Variants in HSDL2 observed in about 807,000 individuals in gnomAD.
The protein encoded by HSDL2 is hydroxysteroid dehydrogenase like 2.
HSDL2 carries 27 observed loss-of-function variants against 46.3 expected under a neutral mutation model. The ratio of observed to expected loss-of-function variants is 0.58; its 90% confidence interval spans 0.43 to 0.80. The LOEUF is 0.80. Among genes scored for constraint, HSDL2 ranks in the 30% least tolerant of loss-of-function variants. The pLI is 0.00. For missense variants in HSDL2, 451 were observed against 502.7 expected, an observed-to-expected ratio of 0.90 and a Z score of 0.98; for synonymous variants, 153 against 163.6, an observed-to-expected ratio of 0.94 and a Z score of 0.50.
intron 8 of HSDL2, among the ~76,000 whole-genome samples, chr9:112,451,496 T>A (rs902267607): frequency 2.6e-5 from 4 of 152,354 alleles, no homozygotes; most frequent in Admixed American, 1.3e-4. Context: ...ATATTCAGCC[T>A]TATATTGTTT....
intron 9 of HSDL2, among the ~76,000 whole-genome samples, chr9:112,458,359 T>C (rs1833097197): frequency 6.6e-6 from 1 of 151,396 alleles, no homozygotes; most frequent in Non-Finnish European, 1.5e-5. Flanking sequence ...AGTTTTGCTC[T>C]TGTTGCCCCA....
At chr9:112,467,568 C>T (rs925530811) in intron 10 of HSDL2, among the ~76,000 whole-genome samples, 3 of 152,174 alleles carry the variant, frequency 2.0e-5, no homozygotes, top group African/African-American at 7.2e-5. Context: ...GGGCACTAAT[C>T]CCATCATTCC....
chr9:112,430,144 G>A (rs538352614), intron 6 of HSDL2, among the ~76,000 whole-genome samples: 20 of 151,700 alleles, frequency 1.3e-4, no homozygotes, highest in South Asian at 2.1e-4. Flanking sequence ...AGTCCTAACC[G>A]TCAGACCACC....
intron 6 of HSDL2, among the ~76,000 whole-genome samples, chr9:112,435,464 A>G (rs1832505106): frequency 6.6e-6 from 1 of 152,090 alleles, no homozygotes; most frequent in South Asian, 2.1e-4. Flanking sequence ...AAGGTTAACC[A>G]TTTAGTTGCA....
chr9:112,385,509 T>TTG (rs397948047), intron 1 of HSDL2, among the ~76,000 whole-genome samples: 4 of 138,326 alleles, frequency 2.9e-5, no homozygotes. Flanking sequence ...TTTTTTTTTT[T>TTG]GACAGAATCT....
intron 1 of HSDL2, among the ~76,000 whole-genome samples, chr9:112,399,743 GA>G (rs1205800667): frequency 5.3e-5 from 8 of 152,186 alleles, no homozygotes; most frequent in African/African-American, 1.7e-4. Flanking sequence ...TCTGCAAGAA[GA>G]AAAATATGGC....
At chr9:112,389,785 C>T (rs577366729) in intron 1 of HSDL2, among the ~76,000 whole-genome samples, 13 of 152,268 alleles carry the variant, frequency 8.5e-5, no homozygotes, top group African/African-American at 3.1e-4. Flanking sequence ...TATATGTGGG[C>T]CGGGCGTGGT....
chr9:112,388,248 G>A (rs909081811), intron 1 of HSDL2, among the ~76,000 whole-genome samples: 1 of 151,728 alleles, frequency 6.6e-6, no homozygotes, highest in Non-Finnish European at 1.5e-5. Context: ...AGATCACGAG[G>A]TCAGGAGTTC....
intron 4 of HSDL2, among the ~76,000 whole-genome samples, chr9:112,415,047 C>T (rs1372533523): frequency 6.6e-6 from 1 of 151,768 alleles, no homozygotes; most frequent in Non-Finnish European, 1.5e-5. Flanking sequence ...TAAAATAAAG[C>T]TATAAATTAA....
chr9:112,381,396 C>T (rs1831091686), intron 1 of HSDL2, among the ~76,000 whole-genome samples: 1 of 152,136 alleles, frequency 6.6e-6, no homozygotes, highest in Non-Finnish European at 1.5e-5. Flanking sequence ...GAGTCTCGCT[C>T]TGTCTTCCAG....
At chr9:112,464,486 T>C (rs1029173236) in intron 10 of HSDL2, among the ~76,000 whole-genome samples, 2 of 152,232 alleles carry the variant, frequency 1.3e-5, no homozygotes, top group Non-Finnish European at 2.9e-5. Flanking sequence ...ATTTTCTTTT[T>C]TACCGTTGTG....
At chr9:112,387,493 T>G (rs1007920062) in intron 1 of HSDL2, among the ~76,000 whole-genome samples, 4 of 152,224 alleles carry the variant, frequency 2.6e-5, no homozygotes, top group Non-Finnish European at 5.9e-5. Flanking sequence ...GTGCTGAGAT[T>G]ATAGGCATGA....
At chr9:112,385,460 C>T (rs908448627) in intron 1 of HSDL2, among the ~76,000 whole-genome samples, 1 of 148,210 alleles carries the variant, frequency 6.7e-6, no homozygotes. Context: ...TCCAGAGTAG[C>T]TGGAATTACA....
rs1468929139 is a variant in HSDL2, at chr9:112,438,449, T to C, written c.617T>C (p.Met206Thr). 3 of 1,603,076 alleles carry C rather than the reference T, an allele frequency of 1.9e-6. No individual in the cohort carries two copies. The highest frequency in any genetic ancestry group is 1.7e-6 in the Non-Finnish European group (2 of 1,175,252). ...TCTACAGCCATACACACTGCTGCTATGGATATGCTGGGAGGACCTGGTATC... is the reference window on the plus strand; with the variant it reads ...TCTACAGCCATACACACTGCTGCTACGGATATGCTGGGAGGACCTGGTATC... ...WPKTAIHTAA[M>T]DMLGGPGIES... is the part of the protein sequence containing the mutation. The change falls in exon 7 of 11, where the codon ATG (methionine) becomes ACG (threonine). Residue 206 changes from methionine to threonine, a missense_variant. Transcript: ENST00000398805.
chr9:112,392,653 C>T (rs1052243773), intron 1 of HSDL2, among the ~76,000 whole-genome samples: 3 of 152,100 alleles, frequency 2.0e-5, no homozygotes, highest in Non-Finnish European at 4.4e-5. Context: ...TTTTGCCTGA[C>T]CCCACAGGCA....
intron 9 of HSDL2, among the ~76,000 whole-genome samples, 173 bp from the exon 10 acceptor site, chr9:112,459,276 T>G (rs1044233845): frequency 2.6e-5 from 4 of 152,242 alleles, no homozygotes; most frequent in African/African-American, 9.6e-5. Flanking sequence ...CTTCAGAGCC[T>G]AGCAGAATAC....
chr9:112,454,168 G>T lies in HSDL2; in HGVS notation c.1015+6G>T. The T allele has an allele frequency of 6.2e-7, 1 of 1,602,270 alleles. No individual in the cohort carries two copies. The highest frequency in any genetic ancestry group is 8.5e-7 in the Non-Finnish European group (1 of 1,176,598). ...CTATCTGTTTGAACTCTCCGGTAAG[G>T]ACTGCATCTGGTAATCTGAAGTTTT... On this transcript the variant is annotated splice_donor_region_variant and intron_variant, in intron 9 of 10. Coordinates refer to ENST00000398805, the MANE Select transcript of HSDL2 (RefSeq NM_032303.5).
Position 112,457,786 on chromosome 9 carries a change from T to C in HSDL2, c.1016-1663T>C, listed in dbSNP as rs563462411. 5.9e-5 allele frequency among the ~76,000 whole-genome samples: 9 copies of C among 152,326 alleles called. No homozygotes were observed. The East Asian group carries it at 1.5e-3, about 26-fold the overall frequency. On this transcript the variant is annotated intron_variant, in intron 9 of 10. Coordinates refer to ENST00000398805, the MANE Select transcript of HSDL2 (RefSeq NM_032303.5). Reference sequence around the variant, plus strand: ...CTCTTCATATGCAGTTACCTAGTCTTATGGTTCTGCCTTGACATTCTCTCT... The same window carrying C: ...CTCTTCATATGCAGTTACCTAGTCTCATGGTTCTGCCTTGACATTCTCTCT...
Position 112,404,014 on chromosome 9 carries a change from G to T in HSDL2, c.37G>T (p.Val13Phe). ...TTGTAGGAGGCTGGCAGGATGTACA[G>T]TTTTTATCACAGGTGCAAGCCGTGG... is the stretch of plus-strand genomic sequence containing the variant. Reference protein sequence around the residue: ...PNTGRLAGCTVFITGASRGIG... With the variant: ...PNTGRLAGCTFFITGASRGIG... Residue 13 changes from valine (V) to phenylalanine (F), a missense_variant, in exon 2 of 11, where the codon GTT (valine) becomes TTT (phenylalanine). Coordinates refer to ENST00000398805, the MANE Select transcript of HSDL2 (RefSeq NM_032303.5). 6.2e-7 allele frequency: 1 copy of T among 1,614,158 alleles called. No individual in the cohort carries two copies. The highest frequency in any genetic ancestry group is 8.5e-7 in the Non-Finnish European group (1 of 1,180,006).
Sources: gnomAD v4.1 joint callset for allele counts (sites outside exome capture counted in the v4.1 genomes callset) on GRCh38, gnomAD v4.1.1 for gene constraint, MANE v1.5 for transcripts, NCBI Gene and HGNC (gene_info 2026-07-23, HGNC 2026-07-21) for gene names.